TFAP2E: variants seen among roughly 807,000 people sequenced by gnomAD.
The protein encoded by TFAP2E is transcription factor AP-2-epsilon.
TFAP2E carries 30 observed loss-of-function variants against 37.9 expected under a neutral mutation model. The observed-to-expected ratio is 0.79, with a 90% CI of 0.59 to 1.07. TFAP2E has a LOEUF of 1.07. Among genes scored for constraint, TFAP2E ranks in the 50% least tolerant of loss-of-function variants. The pLI is 0.00. For synonymous variants in TFAP2E, 318 were observed against 295.8 expected, an observed-to-expected ratio of 1.08 and a Z score of -0.77; for missense variants, 567 against 637.9, an observed-to-expected ratio of 0.89 and a Z score of 1.20.
rs1649566051 is a variant in TFAP2E, at chr1:35,588,829, A to C, written c.785+277A>C. 6.6e-6 allele frequency among the ~76,000 whole-genome samples: 1 copy of C among 152,104 alleles called. No individual in the cohort carries two copies. Among genetic ancestry groups the C allele is most frequent in the South Asian group, 2.1e-4 (1 of 4,830 alleles). Reference sequence around the variant, plus strand: ...GAACTCATCCACACTGGTCAGGACGAGACTGGGTCTGGGGAAGAGAGAGGG... The same window carrying C: ...GAACTCATCCACACTGGTCAGGACGCGACTGGGTCTGGGGAAGAGAGAGGG... On this transcript the variant is annotated intron_variant, in intron 4 of 6. Coordinates refer to ENST00000373235, the MANE Select transcript of TFAP2E (RefSeq NM_178548.4). The surrounding 1 kb of genome is among the most constrained non-coding windows in gnomAD (Gnocchi z 5.1).
chr1:35,579,396 CAA>C (rs879878085), intron 3 of TFAP2E, among the ~76,000 whole-genome samples: 2 of 139,608 alleles, frequency 1.4e-5, no homozygotes, highest in Non-Finnish European at 1.6e-5. Context: ...AACTCTGTCT[CAA>C]AAAAAAAAAA....
rs1181368287 is a variant in TFAP2E, at chr1:35,574,933, C to G, written c.511-16C>G. The G allele has an allele frequency of 6.2e-7, 1 of 1,613,746 alleles. No homozygotes were observed. Among genetic ancestry groups the G allele is most frequent in the Non-Finnish European group, 8.5e-7 (1 of 1,180,024 alleles). The stretch of plus-strand genomic sequence containing the variant: ...GGGCTTTATGCGCCCTCACCGCTGC[C>G]CTCTGCTATTTGCAGGCAATGGACG... On this transcript the variant is annotated splice_polypyrimidine_tract_variant and intron_variant, in intron 2 of 6. Coordinates refer to ENST00000373235, the MANE Select transcript of TFAP2E (RefSeq NM_178548.4).
intron 6 of TFAP2E, among the ~76,000 whole-genome samples, chr1:35,591,060 C>A (rs1557439175): frequency 6.6e-6 from 1 of 152,142 alleles, no homozygotes; most frequent in Admixed American, 6.5e-5. Context: ...CACGTACCTG[C>A]GGCCCATGTG....
intron 3 of TFAP2E, among the ~76,000 whole-genome samples, chr1:35,582,925 A>G (rs1387491614): frequency 1.3e-5 from 2 of 148,494 alleles, no homozygotes; most frequent in East Asian, 4.0e-4. Flanking sequence ...TTTTTTTGAG[A>G]CCAGTCTCAC....
chr1:35,587,439 A>G (rs1571105885), intron 3 of TFAP2E, among the ~76,000 whole-genome samples: 1 of 152,014 alleles, frequency 6.6e-6, no homozygotes, highest in African/African-American at 2.4e-5. Context: ...GGAGTTTGAG[A>G]CCAGCCTGGC....
In TFAP2E at chr1:35,574,291, A is replaced by T; in HGVS notation, c.392A>T (p.Asp131Val). ...GCCCTGGGCCTTGACCCGCGCCGTG[A>T]CTATGCCACTGCCGTGCCCCGGCTC... Reference protein sequence around the residue: ...ARALGLDPRRDYATAVPRLLH... With the variant: ...ARALGLDPRRVYATAVPRLLH... Residue 131 changes from aspartate (D) to valine (V), a missense_variant, in exon 2 of 7, where the codon GAC becomes GTC. Coordinates refer to ENST00000373235, the MANE Select transcript of TFAP2E (RefSeq NM_178548.4). The T allele has an allele frequency of 6.9e-7, 1 of 1,444,538 alleles. No individual in the cohort carries two copies. Among genetic ancestry groups the T allele is most frequent in the South Asian group, 1.3e-5 (1 of 77,156 alleles). 89.5% of individuals were successfully genotyped at this position (1,444,538 alleles called of 1,614,324 possible).
rs1289340999 is a variant in TFAP2E at position 35,588,423 on chromosome 1, G to A, written c.656G>A (p.Cys219Tyr). The part of the protein sequence containing the change: ...GGITNPGEVF[C>Y]SVPGRLSLLS... ...ATCACAAATCCTGGTGAGGTCTTCT[G>A]CTCCGTGCCCGGCCGGCTTTCACTG... Residue 219 changes from cysteine to tyrosine, a missense_variant, in exon 4 of 7, where the codon TGC becomes TAC. This residue lies in a region of TFAP2E where 252 missense variants were observed against 302.6 expected (regional missense o/e 0.83). Coordinates refer to ENST00000373235, the MANE Select transcript of TFAP2E (RefSeq NM_178548.4). This position sits in a 1 kb window ranked among gnomAD's most constrained non-coding sequence, Gnocchi z 5.1. The A allele has an allele frequency of 1.4e-5, 22 of 1,612,328 alleles. No homozygotes were observed. Among genetic ancestry groups the A allele is most frequent in the Non-Finnish European group, 1.9e-5 (22 of 1,180,000 alleles).
chr1:35,573,987 G>T lies in TFAP2E; in HGVS notation c.88G>T (p.Ala30Ser). 6.7e-7 allele frequency: 1 copy of T among 1,483,462 alleles called. No individual in the cohort carries two copies. Among genetic ancestry groups the T allele is most frequent in the Non-Finnish European group, 8.9e-7 (1 of 1,127,712 alleles). 91.9% of individuals were successfully genotyped at this position (1,483,462 alleles called of 1,614,324 possible). ...GGCCCGCCTGTCGTCTCTGCCCCAG[G>T]CGGCCTACGGGCCGGCGCCCCCGCT... ...GGARLSSLPQ[A>S]AYGPAPPLCH... The change falls in exon 2 of 7, where the codon GCG becomes TCG. Residue 30 changes from alanine (A) to serine (S), a missense_variant. This residue lies in a region of TFAP2E where 312 missense variants were observed against 317.4 expected (regional missense o/e 0.98). Coordinates refer to ENST00000373235, the MANE Select transcript of TFAP2E (RefSeq NM_178548.4). This position sits in a 1 kb window ranked among gnomAD's most constrained non-coding sequence, Gnocchi z 5.9.
Position 35,588,872 on chromosome 1 carries a change from T to G in TFAP2E, c.785+320T>G, listed in dbSNP as rs1236889683. Among the ~76,000 whole-genome samples, 1 of 152,082 alleles carries G rather than the reference T, an allele frequency of 6.6e-6. No individual in the cohort carries two copies. The highest frequency in any genetic ancestry group is 1.5e-5 in the Non-Finnish European group (1 of 68,010). ...AGAGAGGGCCATCCTCACCCCCTCTTCTAGGAAATGAACCCCAGGACCCGA... is the reference window on the plus strand; with the variant it reads ...AGAGAGGGCCATCCTCACCCCCTCTGCTAGGAAATGAACCCCAGGACCCGA... On this transcript the variant is annotated intron_variant, in intron 4 of 6. Coordinates refer to ENST00000373235, the MANE Select transcript of TFAP2E (RefSeq NM_178548.4). This position sits in a 1 kb window ranked among gnomAD's most constrained non-coding sequence, Gnocchi z 5.1.
At chr1:35,583,030 G>A (rs1392124652) in intron 3 of TFAP2E, among the ~76,000 whole-genome samples, 1 of 151,960 alleles carries the variant, frequency 6.6e-6, no homozygotes, top group Admixed American at 6.6e-5. Flanking sequence ...AGCCTCCCAA[G>A]TAGCTGGGAT....
At position 35,574,181 on chromosome 1, in the gene TFAP2E, GCCT is replaced by G. The variant is rs1277020959; in HGVS notation, c.287_289del (p.Pro96del). ...GCCTGGCGCCCCTGGCGCAGCCGCAGCCTCCTCAGGCCGCCTGGGCCGCGCCCC... is the reference window on the plus strand; with the variant it reads ...GCCTGGCGCCCCTGGCGCAGCCGCAGCCTCAGGCCGCCTGGGCCGCGCCCC... On this transcript the variant is annotated inframe_deletion, in exon 2 of 7. Coordinates refer to ENST00000373235, the MANE Select transcript of TFAP2E (RefSeq NM_178548.4). 1 of 1,375,644 alleles carries G rather than the reference GCCT, an allele frequency of 7.3e-7. No homozygotes were observed. Among genetic ancestry groups the G allele is most frequent in the Non-Finnish European group, 9.4e-7 (1 of 1,065,616 alleles). The allele number at this position is 1,375,644 out of a possible 1,614,324, so 85.2% of individuals were successfully genotyped here. A position where few individuals can be genotyped will look rare whatever the true frequency, so the allele number is the denominator to read the frequency against.
In TFAP2E at chr1:35,574,241, C is replaced by T. The variant is rs1420746424; in HGVS notation, c.342C>T (p.Pro114=). The T allele has an allele frequency of 3.1e-6, 4 of 1,287,248 alleles. No individual in the cohort carries two copies. Among genetic ancestry groups the T allele is most frequent in the Non-Finnish European group, 4.0e-6 (4 of 1,012,650 alleles). The allele number at this position is 1,287,248 out of a possible 1,614,324, so 79.7% of individuals were successfully genotyped here. A position where few individuals can be genotyped will look rare whatever the true frequency, so the allele number is the denominator to read the frequency against. ...RAAARAHEEP[P]GLLAPPARAL... is the part of the protein sequence containing the mutation. ...CCGCCCGCGCCCACGAGGAGCCTCCCGGCCTGCTGGCACCGCCCGCCCGCG... is the reference window on the plus strand; with the variant it reads ...CCGCCCGCGCCCACGAGGAGCCTCCTGGCCTGCTGGCACCGCCCGCCCGCG... Residue 114 remains proline (P), a synonymous_variant, in exon 2 of 7, where the codon CCC becomes CCT. Coordinates refer to ENST00000373235, the MANE Select transcript of TFAP2E (RefSeq NM_178548.4).
At chr1:35,575,768 C>T (rs934973239) in intron 3 of TFAP2E, among the ~76,000 whole-genome samples, 3 of 152,160 alleles carry the variant, frequency 2.0e-5, no homozygotes, top group African/African-American at 7.2e-5. Flanking sequence ...CTGTTGTGTC[C>T]TGCACTTTGT....
At chr1:35,582,493 AT>A (rs1649377142) in intron 3 of TFAP2E, among the ~76,000 whole-genome samples, 2 of 142,292 alleles carry the variant, frequency 1.4e-5, no homozygotes. Flanking sequence ...TTTTTTTTGC[AT>A]TTTTAAAAAT....
intron 3 of TFAP2E, among the ~76,000 whole-genome samples, chr1:35,583,999 G>A (rs550170193): frequency 1.2e-4 from 18 of 152,322 alleles, no homozygotes; most frequent in African/African-American, 4.3e-4. Context: ...ACAGGAGAAA[G>A]CACTTGCAAA....
chr1:35,575,451 C>T (rs1158754080), intron 3 of TFAP2E, among the ~76,000 whole-genome samples: 1 of 152,204 alleles, frequency 6.6e-6, no homozygotes, highest in Non-Finnish European at 1.5e-5. Context: ...CCTTGGAGGC[C>T]TCTGGGGGAA....
chr1:35,586,706 G>T (rs745468201), intron 3 of TFAP2E, among the ~76,000 whole-genome samples: 5 of 152,096 alleles, frequency 3.3e-5, no homozygotes, highest in Non-Finnish European at 7.4e-5. Flanking sequence ...GGGATGTGCT[G>T]GGGGAGAGGG....
chr1:35,573,360 A>T lies in TFAP2E; in HGVS notation c.-218A>T. 2.0e-6 allele frequency: 1 copy of T among 492,688 alleles called. No individual in the cohort carries two copies. Among genetic ancestry groups the T allele is most frequent in the Non-Finnish European group, 3.4e-6 (1 of 294,724 alleles). The allele number at this position is 492,688 out of a possible 1,614,324, so 30.5% of individuals were successfully genotyped here. The stretch of plus-strand genomic sequence containing the variant: ...GGGCACCCGTTGACCGACTTTTCCA[A>T]GTGCGATCAGTGCCCGTCCGTCCTG... On this transcript the variant is annotated 5_prime_UTR_variant, in exon 1 of 7. It adds an upstream start codon to the 5' untranslated region. Transcript: ENST00000373235. This position sits in a 1 kb window ranked among gnomAD's most constrained non-coding sequence, Gnocchi z 5.9.
At chr1:35,584,338 A>G (rs183834731) in intron 3 of TFAP2E, among the ~76,000 whole-genome samples, 7 of 152,118 alleles carry the variant, frequency 4.6e-5, no homozygotes, top group African/African-American at 1.7e-4. Context: ...TCTGGGCTCA[A>G]GTGATCCTCC....
Sources: allele counts gnomAD v4.1 joint callset (sites outside exome capture counted in the v4.1 genomes callset), GRCh38; gene constraint gnomAD v4.1.1; regional missense constraint gnomAD v4.1.1; non-coding constraint Gnocchi (gnomAD v3.1); transcripts MANE v1.5; gene names NCBI Gene and HGNC (gene_info 2026-07-23, HGNC 2026-07-21).